The following PLEKHA7 variants were observed in gnomAD, a reference collection of about 807,000 sequenced individuals.
PLEKHA7 encodes pleckstrin homology domain containing A7, also known as pleckstrin homology domain-containing family A member 7.
Under a neutral mutation model 170.0 loss-of-function variants are expected in PLEKHA7, and 104 were observed. The observed-to-expected ratio is 0.61, with a 90% CI of 0.52 to 0.72. PLEKHA7 has a LOEUF of 0.72. PLEKHA7 is among the 30% of genes least tolerant of loss of function. The probability of loss-of-function intolerance (pLI) is 0.00; values close to 1 mark genes in which losing one functional copy is unlikely to be tolerated. For missense variants in PLEKHA7, 1,615 were observed against 1,671.7 expected, an observed-to-expected ratio of 0.97 and a Z score of 0.59; for synonymous variants, 648 against 660.8, an observed-to-expected ratio of 0.98 and a Z score of 0.30.
At chr11:16,932,504 T>A (rs1860015462) in intron 3 of PLEKHA7, among the ~76,000 whole-genome samples, 1 of 152,104 alleles carries the variant, frequency 6.6e-6, no homozygotes, top group South Asian at 2.1e-4. Flanking sequence ...AGGCTGGTCT[T>A]GAATTCCTGG....
chr11:16,888,461 G>C (rs112560540), intron 3 of PLEKHA7, among the ~76,000 whole-genome samples: 31 of 152,418 alleles, frequency 2.0e-4, no homozygotes, highest in African/African-American at 7.5e-4. Context: ...TGTGTAGAGG[G>C]AAGTAGACAT....
intron 3 of PLEKHA7, among the ~76,000 whole-genome samples, chr11:16,943,596 G>A (rs1860832112): frequency 6.6e-6 from 1 of 152,214 alleles, no homozygotes; most frequent in East Asian, 1.9e-4. Context: ...CTATACTGGA[G>A]TGACTCTGAT....
chr11:16,993,776 A>G (rs1864181193), intron 3 of PLEKHA7, among the ~76,000 whole-genome samples: 1 of 152,192 alleles, frequency 6.6e-6, no homozygotes, highest in African/African-American at 2.4e-5. Flanking sequence ...CAGCCACAGA[A>G]ATAAATCCCA....
Position 16,778,836 on chromosome 11 carries a change from G to C in PLEKHA7, c.*162C>G. 1 of 651,564 alleles carries C rather than the reference G, an allele frequency of 1.5e-6. No individual in the cohort carries two copies. Among genetic ancestry groups the C allele is most frequent in the Non-Finnish European group, 2.8e-6 (1 of 358,876 alleles). 40.4% of individuals were successfully genotyped at this position (651,564 alleles called of 1,614,324 possible). On this transcript the variant is annotated 3_prime_UTR_variant, in exon 27 of 27. Coordinates refer to ENST00000531066, the MANE Select transcript of PLEKHA7 (RefSeq NM_001329630.2). Reference sequence around the variant, plus strand: ...GAGCTAAACTAGTGGGTGCATATTAGGGCCTGGCCTGTGGTGAACACCCGC... The same window carrying C: ...GAGCTAAACTAGTGGGTGCATATTACGGCCTGGCCTGTGGTGAACACCCGC...
At position 16,936,834 on chromosome 11, in the gene PLEKHA7, C is replaced by T. The variant is rs77307535; in HGVS notation, c.222-65652G>A. Among the ~76,000 whole-genome samples, 16 of 152,338 alleles carry T rather than the reference C, an allele frequency of 1.1e-4. 1 individual carries two copies. The East Asian group carries it at 3.1e-3, about 29-fold the overall frequency. On this transcript the variant is annotated intron_variant, in intron 3 of 26. Transcript: ENST00000531066. ...TGTCAGAAAGCAGCAATGGCCTGTG[C>T]CAGAAATACCTTTGCTGAGCTGCTC...
At chr11:16,882,588 G>A (rs1855790630) in intron 3 of PLEKHA7, among the ~76,000 whole-genome samples, 1 of 152,156 alleles carries the variant, frequency 6.6e-6, no homozygotes, top group South Asian at 2.1e-4. Flanking sequence ...GAACTGTTTT[G>A]GTCACAGAAG....
At position 16,957,697 on chromosome 11, in the gene PLEKHA7, C is replaced by A. The variant is rs200669597; in HGVS notation, c.221+56292G>T. ...TGAATTTTACCTCAATAATTTTTTT[C>A]TTTTTTTTTTTTTTTTTTTTTTTTG... is the stretch of plus-strand genomic sequence containing the variant. On this transcript the variant is annotated intron_variant, in intron 3 of 26. Transcript: ENST00000531066. Among the ~76,000 whole-genome samples, 3 of 87,302 alleles carry A rather than the reference C, an allele frequency of 3.4e-5. 1 individual carries two copies. The highest frequency in any genetic ancestry group is 1.6e-4 in the Admixed American group (1 of 6,332). 57.3% of individuals were successfully genotyped at this position (87,302 alleles called of 152,430 possible). A position where few individuals can be genotyped will look rare whatever the true frequency, so the allele number is the denominator to read the frequency against.
At chr11:16,807,045 G>T in intron 13 of PLEKHA7, 1 of 407,404 alleles carries the variant, frequency 2.5e-6, no homozygotes, top group African/African-American at 2.2e-5. Flanking sequence ...GAAGCCTGGG[G>T]CGGTCAGGAG....
intron 4 of PLEKHA7, among the ~76,000 whole-genome samples, chr11:16,858,714 A>C (rs1168527183): frequency 6.6e-6 from 1 of 151,926 alleles, no homozygotes; most frequent in Non-Finnish European, 1.5e-5. Flanking sequence ...CTGGTCTCGA[A>C]CTCCTGACCT....
In PLEKHA7 at chr11:16,783,772, G is replaced by A. The variant is rs1463263475; in HGVS notation, c.3578C>T (p.Pro1193Leu). 1.3e-6 allele frequency: 2 copies of A among 1,515,576 alleles called. No homozygotes were observed. The highest frequency in any genetic ancestry group is 1.8e-6 in the Non-Finnish European group (2 of 1,137,198). The allele number at this position is 1,515,576 out of a possible 1,614,324, so 93.9% of individuals were successfully genotyped here. A position where few individuals can be genotyped will look rare whatever the true frequency, so the allele number is the denominator to read the frequency against. The change falls in exon 25 of 27, where the codon CCA becomes CTA. Residue 1193 changes from proline to leucine, a missense_variant. Physicochemically the swap from Pro to Leu is moderately conservative, Grantham distance 98 (BLOSUM62 -3). Coordinates refer to ENST00000531066, the MANE Select transcript of PLEKHA7 (RefSeq NM_001329630.2). ...ERYVELDPEE[P>L]PSLEELQARY... ...CGCCTGCAGCTCCTCAAGGCTGGGTGGCTCTTCGGGATCTAGCTCCACGTA... is the reference window on the plus strand; with the variant it reads ...CGCCTGCAGCTCCTCAAGGCTGGGTAGCTCTTCGGGATCTAGCTCCACGTA...
chr11:16,818,267 A>T (rs1849928593), intron 10 of PLEKHA7, among the ~76,000 whole-genome samples: 3 of 152,160 alleles, frequency 2.0e-5, no homozygotes, highest in Admixed American at 2.0e-4. Context: ...TAACAGGAGG[A>T]TAGTATTACC....
chr11:16,843,035 C>A (rs1470289238), intron 8 of PLEKHA7, among the ~76,000 whole-genome samples: 2 of 152,224 alleles, frequency 1.3e-5, no homozygotes, highest in Non-Finnish European at 2.9e-5. Flanking sequence ...TCTCCTTCCT[C>A]TATAAATGTA....
chr11:16,931,763 C>A (rs1433963857), intron 3 of PLEKHA7, among the ~76,000 whole-genome samples: 14 of 146,184 alleles, frequency 9.6e-5, no homozygotes, highest in African/African-American at 1.9e-4. Flanking sequence ...CATCCCCCCC[C>A]CCCCAAAAAA....
intron 3 of PLEKHA7, among the ~76,000 whole-genome samples, chr11:16,927,000 G>T (rs566831893): frequency 6.6e-6 from 1 of 151,194 alleles, no homozygotes; most frequent in Admixed American, 6.6e-5. Flanking sequence ...TCTGGTATCA[G>T]TGTCTCTATC....
chr11:16,778,776 A>G lies in PLEKHA7; in HGVS notation c.*222T>C. On this transcript the variant is annotated 3_prime_UTR_variant, in exon 27 of 27. Transcript: ENST00000531066. Reference sequence around the variant, plus strand: ...CAGTGTATTTTACAGTGTATATCAAAAGTGCCTTTGCCATTCATATGTAGA... The same window carrying G: ...CAGTGTATTTTACAGTGTATATCAAGAGTGCCTTTGCCATTCATATGTAGA... The G allele has an allele frequency of 1.7e-6, 1 of 596,566 alleles. No homozygotes were observed. Among genetic ancestry groups the G allele is most frequent in the East Asian group, 2.8e-5 (1 of 36,106 alleles). 37.0% of individuals were successfully genotyped at this position (596,566 alleles called of 1,614,324 possible).
intron 3 of PLEKHA7, among the ~76,000 whole-genome samples, chr11:16,897,480 T>C (rs1388224040): frequency 6.6e-6 from 1 of 152,196 alleles, no homozygotes; most frequent in Non-Finnish European, 1.5e-5. Context: ...TCTGCCAGCC[T>C]GTAACATGAT....
Position 16,996,733 on chromosome 11 carries a change from G to A in PLEKHA7, c.221+17256C>T, listed in dbSNP as rs531381803. Among the ~76,000 whole-genome samples, 25 of 152,222 alleles carry A rather than the reference G, an allele frequency of 1.6e-4. No homozygotes were observed. The East Asian group carries it at 2.9e-3, about 18-fold the overall frequency. The stretch of plus-strand genomic sequence containing the variant: ...GGGCGGATCACGAGGTCACGAGATC[G>A]AGACCATCCTGGCTAACACGGTGAA... On this transcript the variant is annotated intron_variant, in intron 3 of 26. Coordinates refer to ENST00000531066, the MANE Select transcript of PLEKHA7 (RefSeq NM_001329630.2).
In PLEKHA7 at chr11:16,795,851, CTTTTTTTTT is replaced by C. The variant is rs1179377641; in HGVS notation, c.2410-842_2410-834del. ...CTACGTATTTTACCACAGTTTTTTC[CTTTTTTTTT>C]TTTTTTTTTTTTGAGATGGAGTTTC... On this transcript the variant is annotated intron_variant, in intron 17 of 26. Transcript: ENST00000531066. 1.1e-4 allele frequency among the ~76,000 whole-genome samples: 10 copies of C among 93,080 alleles called. No homozygotes were observed. The Admixed American group carries it at 1.3e-3, about 12-fold the overall frequency. 61.1% of individuals were successfully genotyped at this position (93,080 alleles called of 152,430 possible).
chr11:16,925,621 C>A (rs1859463590), intron 3 of PLEKHA7, among the ~76,000 whole-genome samples: 1 of 152,198 alleles, frequency 6.6e-6, no homozygotes, highest in Non-Finnish European at 1.5e-5. Context: ...GACTGCTTCG[C>A]GAGCCCGGGC....
Sources: allele counts gnomAD v4.1 joint callset (sites outside exome capture counted in the v4.1 genomes callset), GRCh38; gene constraint gnomAD v4.1.1; transcripts MANE v1.5; gene names NCBI Gene and HGNC (gene_info 2026-07-23, HGNC 2026-07-21).